Variants in PLXDC2 observed in about 807,000 individuals in gnomAD.
The protein encoded by PLXDC2 is plexin domain-containing protein 2.
PLXDC2 carries 40 observed loss-of-function variants against 68.9 expected under a neutral mutation model. The observed-to-expected ratio is 0.58, with a 90% CI of 0.45 to 0.76. PLXDC2 has a LOEUF of 0.76. Ranked by LOEUF, PLXDC2 falls within the 30% of genes least tolerant of loss-of-function variation. The probability of loss-of-function intolerance (pLI) is 0.00; values close to 1 mark genes in which losing one functional copy is unlikely to be tolerated. For synonymous variants in PLXDC2, 243 were observed against 234.2 expected, an observed-to-expected ratio of 1.04 and a Z score of -0.34; for missense variants, 644 against 661.9, an observed-to-expected ratio of 0.97 and a Z score of 0.30.
At chr10:20,270,980 G>A (rs547200085) in intron 13 of PLXDC2, among the ~76,000 whole-genome samples, 81 of 151,496 alleles carry the variant, frequency 5.3e-4, no homozygotes, top group African/African-American at 2.0e-3. Flanking sequence ...GAATGGATAT[G>A]GGTAAACAAT....
intron 4 of PLXDC2, among the ~76,000 whole-genome samples, chr10:20,125,730 C>T (rs1833764529): frequency 6.6e-6 from 1 of 151,846 alleles, no homozygotes; most frequent in Non-Finnish European, 1.5e-5. Flanking sequence ...ATTGCAGCTG[C>T]ATTTATGTTG....
intron 1 of PLXDC2, among the ~76,000 whole-genome samples, chr10:19,834,591 C>T (rs1002847847): frequency 7.2e-5 from 11 of 152,278 alleles, no homozygotes; most frequent in African/African-American, 2.6e-4. Flanking sequence ...TTTCAAGCTT[C>T]CCAAATTATC....
intron 1 of PLXDC2, among the ~76,000 whole-genome samples, chr10:19,906,823 G>C (rs1329398941): frequency 6.6e-6 from 1 of 152,018 alleles, no homozygotes; most frequent in East Asian, 1.9e-4. Flanking sequence ...AATGACATTT[G>C]GGCATTATTG....
intron 1 of PLXDC2, among the ~76,000 whole-genome samples, chr10:19,869,951 T>G (rs1487154789): frequency 6.6e-6 from 1 of 152,228 alleles, no homozygotes; most frequent in African/African-American, 2.4e-5. Flanking sequence ...GAGCTTATCC[T>G]TTGATGTTGT....
At chr10:19,948,852 A>G (rs1833947819) in intron 1 of PLXDC2, among the ~76,000 whole-genome samples, 1 of 152,178 alleles carries the variant, frequency 6.6e-6, no homozygotes, top group Admixed American at 6.5e-5. Flanking sequence ...GCATTAGAAT[A>G]GACATACATT....
chr10:20,196,064 G>A (rs527632699), intron 9 of PLXDC2, among the ~76,000 whole-genome samples: 1 of 152,186 alleles, frequency 6.6e-6, no homozygotes, highest in East Asian at 1.9e-4. Flanking sequence ...TGTCCAAAAC[G>A]GATTCCTGAC....
At chr10:19,949,012 C>G (rs977411562) in intron 1 of PLXDC2, among the ~76,000 whole-genome samples, 2 of 150,830 alleles carry the variant, frequency 1.3e-5, no homozygotes, top group East Asian at 2.0e-4. Context: ...CACCTGTTGT[C>G]CCAGCTACTT....
intron 1 of PLXDC2, among the ~76,000 whole-genome samples, chr10:19,914,331 A>G (rs1334586189): frequency 5.3e-5 from 8 of 152,160 alleles, no homozygotes; most frequent in Non-Finnish European, 8.8e-5. Flanking sequence ...GTATGTAATC[A>G]TTGGGATTCC....
intron 1 of PLXDC2, among the ~76,000 whole-genome samples, chr10:19,836,514 A>C (rs1311449856): frequency 6.6e-6 from 1 of 152,220 alleles, no homozygotes; most frequent in Admixed American, 6.5e-5. Context: ...CGTTTTATGT[A>C]ACCTGAAGTC....
chr10:20,079,813 T>C (rs949337612), intron 4 of PLXDC2, among the ~76,000 whole-genome samples: 2 of 152,012 alleles, frequency 1.3e-5, no homozygotes, highest in Admixed American at 6.6e-5. Context: ...GGGAGAACAT[T>C]AGGACAAATA....
intron 1 of PLXDC2, among the ~76,000 whole-genome samples, chr10:19,897,279 G>A (rs1013262500): frequency 6.9e-5 from 10 of 145,330 alleles, no homozygotes; most frequent in African/African-American, 1.8e-4. Flanking sequence ...TGCTCTTGTC[G>A]CCCAGGCTGG....
At chr10:20,262,709 T>A (rs536956203) in intron 13 of PLXDC2, among the ~76,000 whole-genome samples, 10 of 152,360 alleles carry the variant, frequency 6.6e-5, no homozygotes, top group African/African-American at 2.4e-4. Flanking sequence ...CTTTACTGTT[T>A]CATAGTTTTC....
intron 12 of PLXDC2, among the ~76,000 whole-genome samples, chr10:20,241,290 A>T (rs191934634): frequency 6.6e-6 from 1 of 152,344 alleles, no homozygotes; most frequent in Admixed American, 6.5e-5. Flanking sequence ...AACATTGGCA[A>T]CTTATGCCCT....
intron 9 of PLXDC2, among the ~76,000 whole-genome samples, chr10:20,203,100 A>T (rs980924764): frequency 3.9e-5 from 6 of 152,124 alleles, no homozygotes; most frequent in Admixed American, 2.6e-4. Context: ...CCTGTCCTAC[A>T]GACTCCCAAA....
chr10:19,825,985 A>G (rs1836562004), intron 1 of PLXDC2, among the ~76,000 whole-genome samples: 1 of 152,098 alleles, frequency 6.6e-6, no homozygotes, highest in Non-Finnish European at 1.5e-5. Context: ...TCCTTTTGCT[A>G]TCTTTTCTCT....
chr10:20,284,330 T>TATATATATATATATAC lies in PLXDC2; in HGVS notation c.*4512_*4513insTATATATATATATACA, dbSNP rs1484131963. 310 of 126,302 alleles carry TATATATATATATATAC rather than the reference T, an allele frequency of 2.5e-3. No homozygotes were observed. The highest frequency in any genetic ancestry group is 8.1e-3 in the African/African-American group (277 of 34,334). 7.8% of individuals were successfully genotyped at this position (126,302 alleles called of 1,614,324 possible). Reference sequence around the variant, plus strand: ...AAATATACATATATATATATATATATACACACACACACACACACACACAAA... The same window carrying TATATATATATATATAC: ...AAATATACATATATATATATATATATATATATATATATATACACACACACACACACACACACACAAA... On this transcript the variant is annotated 3_prime_UTR_variant, in exon 14 of 14. Transcript: ENST00000377252.
At chr10:20,147,187 G>A (rs1447167554) in intron 5 of PLXDC2, among the ~76,000 whole-genome samples, 1 of 152,026 alleles carries the variant, frequency 6.6e-6, no homozygotes. Flanking sequence ...TGTGCTTCAA[G>A]GGGACTTCAA....
At chr10:20,201,818 C>T (rs1465748989) in intron 9 of PLXDC2, among the ~76,000 whole-genome samples, 3 of 152,040 alleles carry the variant, frequency 2.0e-5, no homozygotes, top group Admixed American at 6.6e-5. Context: ...CCTAGACTAT[C>T]AACTTGGAAA....
intron 6 of PLXDC2, among the ~76,000 whole-genome samples, chr10:20,161,340 A>T (rs1439996705): frequency 6.6e-6 from 1 of 151,960 alleles, no homozygotes; most frequent in Non-Finnish European, 1.5e-5. Context: ...TAAAAAAAAA[A>T]ATCCTTCATG....
Sources: gnomAD v4.1 joint callset for allele counts (sites outside exome capture counted in the v4.1 genomes callset) on GRCh38, gnomAD v4.1.1 for gene constraint, MANE v1.5 for transcripts, NCBI Gene and HGNC (gene_info 2026-07-23, HGNC 2026-07-21) for gene names.